NFKB1: variants seen among roughly 807,000 people sequenced by gnomAD.
NFKB1 encodes the protein nuclear factor NF-kappa-B p105 subunit.
In NFKB1, 9 loss-of-function variants were observed where a neutral mutation model predicts 105.1. The observed-to-expected ratio is 0.09, with a 90% CI of 0.05 to 0.15. The LOEUF is 0.15. Among genes scored for constraint, NFKB1 ranks in the 10% least tolerant of loss-of-function variants. NFKB1 has a pLI of 1.00. For missense variants in NFKB1, 830 were observed against 1,203.7 expected (o/e 0.69, Z 4.59); for synonymous variants, 440 against 442.2 (o/e 1.00, Z 0.06).
At chr4:102,592,340 A>G (rs1304471964) in intron 11 of NFKB1, among the ~76,000 whole-genome samples, 2 of 152,246 alleles carry the variant, frequency 1.3e-5, no homozygotes, top group African/African-American at 4.8e-5. Flanking sequence ...ATTGTATACT[A>G]TAGAGAAATC....
chr4:102,542,518 CCTCT>C (rs911676214), intron 5 of NFKB1, among the ~76,000 whole-genome samples: 3 of 150,812 alleles, frequency 2.0e-5, no homozygotes, highest in Admixed American at 6.6e-5. Flanking sequence ...CTCTCTCTGT[CCTCT>C]CTCTCTCTCA....
rs1739695221 is a variant in NFKB1, at chr4:102,510,288, A to T, written c.-8+8500A>T. Among the ~76,000 whole-genome samples, 3 of 152,252 alleles carry T rather than the reference A, an allele frequency of 2.0e-5. No individual in the cohort carries two copies. The South Asian group carries it at 6.2e-4, about 32-fold the overall frequency. ...AAGGAGTTCATCTTATTTACTTTTT[A>T]TTTGCACAGCACCTGGTGTGTTTGC... is the stretch of plus-strand genomic sequence containing the variant. On this transcript the variant is annotated intron_variant, in intron 1 of 23. Transcript: ENST00000226574.
chr4:102,561,277 T>G (rs372342717), intron 5 of NFKB1, among the ~76,000 whole-genome samples: 11,032 of 115,946 alleles, frequency 0.095, 460 homozygotes, highest in African/African-American at 0.17. Flanking sequence ...TTTTTTTTTT[T>G]TTTTTGTGTG....
intron 11 of NFKB1, among the ~76,000 whole-genome samples, chr4:102,591,303 G>T (rs1375177652): frequency 6.6e-6 from 1 of 151,642 alleles, no homozygotes; most frequent in Non-Finnish European, 1.5e-5. Context: ...TTAAAAACAG[G>T]CTGACTCTCA....
At chr4:102,552,502 G>T (rs1417671099) in intron 5 of NFKB1, among the ~76,000 whole-genome samples, 2 of 152,154 alleles carry the variant, frequency 1.3e-5, no homozygotes, top group African/African-American at 4.8e-5. Flanking sequence ...ACAGGGCAGG[G>T]AAGCTAACTT....
At chr4:102,607,394 T>G in intron 18 of NFKB1, 75 bp downstream of exon 18, 4 of 1,488,304 alleles carry the variant, frequency 2.7e-6, no homozygotes, top group Non-Finnish European at 2.8e-6. Flanking sequence ...AAGAAGGAAG[T>G]CAGTAGCTGC....
intron 1 of NFKB1, among the ~76,000 whole-genome samples, chr4:102,512,172 A>G (rs1021764640): frequency 6.6e-6 from 1 of 152,242 alleles, no homozygotes; most frequent in Admixed American, 6.5e-5. Context: ...CTTATTACTT[A>G]TGAATGTAAA....
intron 5 of NFKB1, among the ~76,000 whole-genome samples, chr4:102,548,310 A>G (rs1349967125): frequency 6.6e-6 from 1 of 152,150 alleles, no homozygotes; most frequent in Non-Finnish European, 1.5e-5. Context: ...TGCACAGTCC[A>G]TGCGAGGTGT....
At position 102,610,558 on chromosome 4, in the gene NFKB1, G is replaced by A; in HGVS notation, c.2228-17G>A. 1 of 1,613,430 alleles carries A rather than the reference G, an allele frequency of 6.2e-7. No individual in the cohort carries two copies. Among genetic ancestry groups the A allele is most frequent in the Non-Finnish European group, 8.5e-7 (1 of 1,179,570 alleles). On this transcript the variant is annotated splice_polypyrimidine_tract_variant and intron_variant, in intron 19 of 23. Coordinates refer to ENST00000226574, the MANE Select transcript of NFKB1 (RefSeq NM_003998.4). The stretch of plus-strand genomic sequence containing the variant: ...AAGATCTGGGTTTACCTAATGCTGT[G>A]TAATCTAACTTCGCAGGAGCAGATC...
In NFKB1 at chr4:102,594,268, C is replaced by T. The variant is rs1248948500; in HGVS notation, c.1211-624C>T. On this transcript the variant is annotated intron_variant, in intron 12 of 23. Transcript: ENST00000226574. ...CTCAAGTGAACAAACCATAGTATAACTTACTTACATGTAGTTTCCTGTTTT... is the reference window on the plus strand; with the variant it reads ...CTCAAGTGAACAAACCATAGTATAATTTACTTACATGTAGTTTCCTGTTTT... 2.0e-5 allele frequency among the ~76,000 whole-genome samples: 3 copies of T among 152,292 alleles called. No homozygotes were observed. The East Asian group carries it at 5.8e-4, about 29-fold the overall frequency.
In NFKB1 at chr4:102,593,241, T is replaced by C. The variant is rs560878542; in HGVS notation, c.1067-184T>C. On this transcript the variant is annotated intron_variant, in intron 11 of 23. Transcript: ENST00000226574. ...TCTGTGGTCTCTCTGGAGCTAACTT[T>C]CAGCCTTCATACCCATTGGAATAAA... is the stretch of plus-strand genomic sequence containing the variant. 8 of 554,986 alleles carry C rather than the reference T, an allele frequency of 1.4e-5. No homozygotes were observed. In the East Asian group the frequency reaches 1.8e-4, roughly 13 times the overall value. The allele number at this position is 554,986 out of a possible 1,614,324, so 34.4% of individuals were successfully genotyped here. A position where few individuals can be genotyped will look rare whatever the true frequency, so the allele number is the denominator to read the frequency against.
chr4:102,537,669 A>G (rs1022852105), intron 4 of NFKB1, 189 bp from the exon 5 acceptor site: 72 of 469,428 alleles, frequency 1.5e-4, no homozygotes, highest in Non-Finnish European at 1.8e-4. Context: ...ACAAATATCA[A>G]TTAATACCAT....
At chr4:102,563,237 G>A (rs535104366) in intron 5 of NFKB1, among the ~76,000 whole-genome samples, 2 of 152,140 alleles carry the variant, frequency 1.3e-5, no homozygotes, top group African/African-American at 4.8e-5. Flanking sequence ...GAGTCATAAA[G>A]CTCCTGGAAG....
At chr4:102,546,863 C>T (rs1722178424) in intron 5 of NFKB1, among the ~76,000 whole-genome samples, 2 of 152,144 alleles carry the variant, frequency 1.3e-5, no homozygotes, top group Non-Finnish European at 2.9e-5. Flanking sequence ...GATAAAATGC[C>T]TCTCTTGAGA....
intron 5 of NFKB1, among the ~76,000 whole-genome samples, chr4:102,550,077 A>T (rs1002576486): frequency 3.3e-5 from 5 of 151,908 alleles, no homozygotes; most frequent in South Asian, 2.1e-4. Flanking sequence ...ATTCTTCTTT[A>T]AAAAAAATTA....
intron 1 of NFKB1, among the ~76,000 whole-genome samples, chr4:102,520,294 G>A (rs1429030046): frequency 1.3e-5 from 2 of 152,196 alleles, no homozygotes; most frequent in Admixed American, 1.3e-4. Context: ...ACCTTTTGCT[G>A]TCTATATTCC....
chr4:102,559,855 C>T (rs958100620), intron 5 of NFKB1, among the ~76,000 whole-genome samples: 3 of 151,212 alleles, frequency 2.0e-5, no homozygotes, highest in African/African-American at 7.3e-5. Context: ...AGGAAGATTG[C>T]CTGAGCCAGG....
chr4:102,612,516 T>C lies in NFKB1; in HGVS notation c.2502T>C (p.Ala834=), dbSNP rs765849226. The C allele has an allele frequency of 6.2e-7, 1 of 1,614,044 alleles. No individual in the cohort carries two copies. The highest frequency in any genetic ancestry group is 8.5e-7 in the Non-Finnish European group (1 of 1,180,018). The change falls in exon 22 of 24, where the codon GCT becomes GCC. Residue 834 remains alanine, a synonymous_variant. Transcript: ENST00000226574. ...TTCCTGATCCAGACAAAAACTGGGC[T>C]ACTCTGGCGCAGAAATTAGGTCTGG... The part of the protein sequence containing the change: ...LEIPDPDKNW[A]TLAQKLGLGI...
At chr4:102,594,785 T>C in intron 12 of NFKB1, 107 bp from the exon 13 acceptor site, 2 of 722,040 alleles carry the variant, frequency 2.8e-6, no homozygotes. Flanking sequence ...CACAATACTG[T>C]CCTGTCACAC....
Sources: gnomAD v4.1 joint callset for allele counts (sites outside exome capture counted in the v4.1 genomes callset) on GRCh38, gnomAD v4.1.1 for gene constraint, MANE v1.5 for transcripts, NCBI Gene and HGNC (gene_info 2026-07-23, HGNC 2026-07-21) for gene names.